The following KCNN2 variants were observed in gnomAD, a reference collection of about 807,000 sequenced individuals.
KCNN2 encodes small conductance calcium-activated potassium channel protein 2.
A neutral mutation model predicts 55.5 loss-of-function variants in KCNN2; 24 were observed. That is an observed-to-expected ratio of 0.43 (90% CI 0.31 to 0.61). The LOEUF (loss-of-function observed/expected upper bound fraction) is 0.61. Ranked by LOEUF, KCNN2 falls within the 20% of genes least tolerant of loss-of-function variation. KCNN2 has a pLI of 0.08. For missense variants in KCNN2, 754 were observed against 853.6 expected, an observed-to-expected ratio of 0.88 and a Z score of 1.45; for synonymous variants, 431 against 336.1, an observed-to-expected ratio of 1.28 and a Z score of -3.09.
intron 2 of KCNN2, among the ~76,000 whole-genome samples, chr5:114,333,208 C>T (rs866607168): frequency 2.0e-5 from 3 of 152,124 alleles, no homozygotes; most frequent in South Asian, 4.1e-4. Flanking sequence ...AGATAAAACA[C>T]GGGAGCCGGG....
intron 1 of KCNN2, among the ~76,000 whole-genome samples, chr5:114,064,463 T>G (rs1469917248): frequency 2.0e-5 from 3 of 152,176 alleles, no homozygotes; most frequent in Non-Finnish European, 4.4e-5. Context: ...CCAGCTAGCC[T>G]TGTGGGGAGA....
At chr5:114,434,414 C>G (rs970838324) in intron 3 of KCNN2, among the ~76,000 whole-genome samples, 1 of 152,104 alleles carries the variant, frequency 6.6e-6, no homozygotes, top group Middle Eastern at 3.2e-3. Context: ...CCTTAACATA[C>G]TAATCATAGT....
chr5:114,088,162 G>A (rs1751055955), intron 1 of KCNN2, among the ~76,000 whole-genome samples: 1 of 151,876 alleles, frequency 6.6e-6, no homozygotes, highest in Non-Finnish European at 1.5e-5. Flanking sequence ...TAGATTTATA[G>A]TTTTTCTCTT....
intron 1 of KCNN2, among the ~76,000 whole-genome samples, chr5:114,090,963 G>T (rs1751131787): frequency 6.6e-6 from 1 of 152,082 alleles, no homozygotes; most frequent in Non-Finnish European, 1.5e-5. Flanking sequence ...TCAGCCTTCT[G>T]AGTGGCTGGG....
intron 3 of KCNN2, among the ~76,000 whole-genome samples, chr5:114,442,216 C>T (rs1760241865): frequency 6.6e-6 from 1 of 151,302 alleles, no homozygotes; most frequent in Non-Finnish European, 1.5e-5. Flanking sequence ...CTCAGTGCAT[C>T]ACCATTACAG....
intron 1 of KCNN2, among the ~76,000 whole-genome samples, chr5:114,095,051 C>G (rs1202087510): frequency 1.3e-5 from 2 of 152,106 alleles, no homozygotes; most frequent in Admixed American, 1.3e-4. Context: ...TCCAGCCTGT[C>G]TTCTAGAGTA....
At chr5:114,166,892 C>T (rs996819301) in intron 1 of KCNN2, among the ~76,000 whole-genome samples, 1 of 152,068 alleles carries the variant, frequency 6.6e-6, no homozygotes, top group African/African-American at 2.4e-5. Flanking sequence ...TCTCTGTCTG[C>T]CCTCCACTAT....
At chr5:114,469,946 G>C (rs1761644829) in intron 4 of KCNN2, among the ~76,000 whole-genome samples, 1 of 152,138 alleles carries the variant, frequency 6.6e-6, no homozygotes, top group African/African-American at 2.4e-5. Flanking sequence ...AGGTTTCTAA[G>C]TGGCTCTGGA....
chr5:114,470,201 G>T (rs1331023549), intron 4 of KCNN2, among the ~76,000 whole-genome samples: 2 of 152,162 alleles, frequency 1.3e-5, no homozygotes, highest in African/African-American at 4.8e-5. Flanking sequence ...TTCCACTCCT[G>T]TTAGGATTTT....
chr5:114,280,202 C>G (rs1232642761), intron 2 of KCNN2, among the ~76,000 whole-genome samples: 1 of 151,982 alleles, frequency 6.6e-6, no homozygotes, highest in Non-Finnish European at 1.5e-5. Context: ...GGATATTAGC[C>G]CTTTGTCAGA....
chr5:114,345,930 G>A (rs1757096881), intron 2 of KCNN2, among the ~76,000 whole-genome samples: 1 of 152,082 alleles, frequency 6.6e-6, no homozygotes, highest in Non-Finnish European at 1.5e-5. Flanking sequence ...ACAGGCATGC[G>A]CTGCTGTGCC....
At chr5:114,439,407 TCTTA>T (rs796375246) in intron 3 of KCNN2, among the ~76,000 whole-genome samples, 4 of 152,316 alleles carry the variant, frequency 2.6e-5, no homozygotes, top group African/African-American at 9.6e-5. Flanking sequence ...TGTGCACAGT[TCTTA>T]CTAAGGATCA....
chr5:114,147,429 C>T (rs1232485057), intron 1 of KCNN2, among the ~76,000 whole-genome samples: 1 of 152,018 alleles, frequency 6.6e-6, no homozygotes, highest in Non-Finnish European at 1.5e-5. Flanking sequence ...ATTGAAGTGA[C>T]CATTTGATCA....
Position 114,404,302 on chromosome 5 carries a change from G to T in KCNN2, c.1219-136G>T, listed in dbSNP as rs550307067. 9.8e-5 allele frequency: 64 copies of T among 650,246 alleles called. No individual in the cohort carries two copies. The South Asian group carries it at 1.3e-3, about 13-fold the overall frequency. The allele number at this position is 650,246 out of a possible 1,614,324, so 40.3% of individuals were successfully genotyped here. ...CCCTTTACTAAAAATAGTATACCTG[G>T]CTAGCATTTAAAAGTTATAACCTTT... On this transcript the variant is annotated intron_variant, in intron 2 of 7. Coordinates refer to ENST00000673685, the MANE Select transcript of KCNN2 (RefSeq NM_021614.4).
At position 114,404,568 on chromosome 5, in the gene KCNN2, C is replaced by T. The variant is rs1383767398; in HGVS notation, c.1349C>T (p.Thr450Met). ...CCTGGGAATTATACATTCACATGGA[C>T]GGCCCGGCTTGCCTTCTCCTATGCC... ...PIPGNYTFTW[T>M]ARLAFSYAPS... Residue 450 changes from threonine to methionine, a missense_variant, in exon 3 of 8, where the codon ACG becomes ATG. Physicochemically the swap from Thr to Met is moderately conservative, Grantham distance 81. Coordinates refer to ENST00000673685, the MANE Select transcript of KCNN2 (RefSeq NM_021614.4). 11 of 1,613,656 alleles carry T rather than the reference C, an allele frequency of 6.8e-6. No individual in the cohort carries two copies. The highest frequency in any genetic ancestry group is 2.2e-5 in the East Asian group (1 of 44,880).
chr5:114,171,565 C>T (rs1429383541), intron 1 of KCNN2, among the ~76,000 whole-genome samples: 2 of 151,898 alleles, frequency 1.3e-5, no homozygotes, highest in Non-Finnish European at 2.9e-5. Context: ...TAGGACTTAT[C>T]GCTCTCCTTA....
chr5:114,238,379 A>G (rs938097879), intron 2 of KCNN2, among the ~76,000 whole-genome samples: 4 of 152,080 alleles, frequency 2.6e-5, no homozygotes, highest in Non-Finnish European at 4.4e-5. Flanking sequence ...TAATCCTAGC[A>G]CTTTGGGAGG....
At chr5:114,199,530 T>C (rs532658420) in intron 1 of KCNN2, among the ~76,000 whole-genome samples, 6 of 152,260 alleles carry the variant, frequency 3.9e-5, no homozygotes, top group South Asian at 2.1e-4. Context: ...TTTTGTGATT[T>C]GATGAAAATT....
intron 3 of KCNN2, among the ~76,000 whole-genome samples, chr5:114,421,194 G>T (rs1204687311): frequency 6.7e-6 from 1 of 149,410 alleles, no homozygotes; most frequent in East Asian, 1.9e-4. Context: ...CTGACATATG[G>T]TTTTTAGTGA....
Sources: gnomAD v4.1 joint callset for allele counts (sites outside exome capture counted in the v4.1 genomes callset) on GRCh38, gnomAD v4.1.1 for gene constraint, MANE v1.5 for transcripts, NCBI Gene and HGNC (gene_info 2026-07-23, HGNC 2026-07-21) for gene names.